Variants in GSE1 observed in about 807,000 individuals in gnomAD.
GSE1 encodes genetic suppressor element 1.
GSE1 carries 32 observed loss-of-function variants against 112.6 expected under a neutral mutation model. The observed-to-expected ratio is 0.28, with a 90% CI of 0.21 to 0.38. The LOEUF is 0.38. GSE1 is among the 10% of genes least tolerant of loss of function. The pLI is 1.00. For missense variants in GSE1, 2,348 were observed against 1,699.2 expected, an observed-to-expected ratio of 1.38 and a Z score of -6.71; for synonymous variants, 1,115 against 735.6, an observed-to-expected ratio of 1.52 and a Z score of -8.35.
At chr16:85,246,693 G>T (rs1331352847) in intron 1 of GSE1, among the ~76,000 whole-genome samples, 3 of 152,026 alleles carry the variant, frequency 2.0e-5, no homozygotes, top group African/African-American at 7.2e-5. Context: ...ACCCTCGGAG[G>T]CCCCAGAACC....
intron 1 of GSE1, among the ~76,000 whole-genome samples, chr16:85,323,494 A>T (rs1302122258): frequency 1.3e-5 from 2 of 152,254 alleles, no homozygotes; most frequent in East Asian, 3.9e-4. Flanking sequence ...TCTGGGGGGA[A>T]AGTCGCCGGC....
chr16:85,467,746 G>A (rs1272352646), intron 2 of GSE1, among the ~76,000 whole-genome samples: 1 of 152,204 alleles, frequency 6.6e-6, no homozygotes, highest in Admixed American at 6.5e-5. Flanking sequence ...GGTTCAAGGG[G>A]AAGGTACGGA....
chr16:85,636,634 C>T (rs145471285), intron 2 of GSE1, among the ~76,000 whole-genome samples: 49 of 152,322 alleles, frequency 3.2e-4, no homozygotes, highest in Non-Finnish European at 5.4e-4. Flanking sequence ...AGTCGCAAGA[C>T]GGCAGCCACA....
At chr16:85,431,620 G>A (rs1202831551) in intron 2 of GSE1, among the ~76,000 whole-genome samples, 3 of 152,088 alleles carry the variant, frequency 2.0e-5, no homozygotes, top group Admixed American at 6.5e-5. Flanking sequence ...CGTGCTCCCC[G>A]AGACACTTGG....
intron 2 of GSE1, among the ~76,000 whole-genome samples, chr16:85,386,160 G>A (rs1166911803): frequency 6.6e-6 from 1 of 152,194 alleles, no homozygotes; most frequent in Non-Finnish European, 1.5e-5. Flanking sequence ...GGTGGTTCAG[G>A]TGGAACCCTC....
rs139100259 is a variant in GSE1, at chr16:85,472,406, C to T, written c.2464+114763C>T. Among the ~76,000 whole-genome samples, 279 of 152,292 alleles carry T rather than the reference C, an allele frequency of 1.8e-3. 2 individuals are homozygous for T. The highest frequency in any genetic ancestry group is 6.5e-3 in the African/African-American group (268 of 41,548). ...GCCACACTGCCGTGGTCCCTGCCTT[C>T]TCCTCCCGCGGCCTTCTTTCTGAGT... On this transcript the variant is annotated intron_variant, in intron 2 of 2. Coordinates refer to the GSE1 transcript ENST00000637419.
At chr16:85,223,843 G>A (rs1042497344) in intron 1 of GSE1, among the ~76,000 whole-genome samples, 6 of 152,000 alleles carry the variant, frequency 3.9e-5, no homozygotes, top group African/African-American at 1.2e-4. Context: ...GATCTCAAGC[G>A]ATCCACCCAT....
At chr16:85,483,642 G>A (rs2050750259) in intron 2 of GSE1, among the ~76,000 whole-genome samples, 1 of 152,290 alleles carries the variant, frequency 6.6e-6, no homozygotes, top group Non-Finnish European at 1.5e-5. Context: ...GCGGCGGGCT[G>A]AGACGGATGG....
intron 3 of GSE1, among the ~76,000 whole-genome samples, chr16:85,649,749 G>A (rs900792482): frequency 1.3e-5 from 2 of 152,198 alleles, no homozygotes; most frequent in African/African-American, 4.8e-5. Context: ...AGCCCCACTT[G>A]GAAATACTAA....
intron 1 of GSE1, among the ~76,000 whole-genome samples, chr16:85,566,154 G>A (rs950224263): frequency 6.6e-6 from 1 of 152,182 alleles, no homozygotes; most frequent in Admixed American, 6.5e-5. Flanking sequence ...TTACCATTTG[G>A]GTTGATAGCT....
At chr16:85,561,432 T>C (rs2045517522) in intron 1 of GSE1, among the ~76,000 whole-genome samples, 1 of 151,904 alleles carries the variant, frequency 6.6e-6, no homozygotes, top group South Asian at 2.1e-4. Flanking sequence ...GCCCCTTATC[T>C]GGTTCCTGTC....
At chr16:85,427,065 C>T (rs2049010793) in intron 2 of GSE1, among the ~76,000 whole-genome samples, 1 of 152,134 alleles carries the variant, frequency 6.6e-6, no homozygotes, top group Non-Finnish European at 1.5e-5. Context: ...CCAGACCTCA[C>T]ATTGGGAACA....
intron 2 of GSE1, among the ~76,000 whole-genome samples, chr16:85,501,717 G>A (rs1422155970): frequency 6.6e-6 from 1 of 152,168 alleles, no homozygotes; most frequent in African/African-American, 2.4e-5. Context: ...ATCTTTTGGA[G>A]GTACCAGTTC....
chr16:85,565,415 A>AC (rs2045703290), intron 1 of GSE1, among the ~76,000 whole-genome samples: 1 of 150,656 alleles, frequency 6.6e-6, no homozygotes, highest in African/African-American at 2.5e-5. Context: ...ACAAAAAAAA[A>AC]CAAAAAAACC....
chr16:85,399,618 A>G (rs1318398231), intron 2 of GSE1, among the ~76,000 whole-genome samples: 1 of 152,188 alleles, frequency 6.6e-6, no homozygotes, highest in Non-Finnish European at 1.5e-5. Context: ...AAGTGGGGAT[A>G]TAGCAGTACC....
chr16:85,222,700 G>A (rs1341876767), intron 1 of GSE1, among the ~76,000 whole-genome samples: 4 of 152,154 alleles, frequency 2.6e-5, no homozygotes, highest in South Asian at 2.1e-4. Flanking sequence ...AATTAAAAAC[G>A]TGTCTCCGTC....
intron 1 of GSE1, among the ~76,000 whole-genome samples, chr16:85,193,098 C>G (rs1193150813): frequency 6.6e-6 from 1 of 152,142 alleles, no homozygotes; most frequent in Non-Finnish European, 1.5e-5. Context: ...ACAGTGTACC[C>G]AGCCATCGGA....
chr16:85,435,960 C>T (rs564715775), intron 2 of GSE1, among the ~76,000 whole-genome samples: 252 of 152,262 alleles, frequency 1.7e-3, no homozygotes, highest in African/African-American at 5.9e-3. Flanking sequence ...CCCCAGAAGG[C>T]AGGTGGGGTC....
intron 2 of GSE1, among the ~76,000 whole-genome samples, chr16:85,474,282 G>A (rs935279259): frequency 2.6e-5 from 4 of 152,162 alleles, no homozygotes; most frequent in South Asian, 4.2e-4. Flanking sequence ...CCGCCGGCCC[G>A]TGCTCCAATG....
Sources: allele counts gnomAD v4.1 joint callset (sites outside exome capture counted in the v4.1 genomes callset), GRCh38; gene constraint gnomAD v4.1.1; transcripts MANE v1.5; gene names NCBI Gene and HGNC (gene_info 2026-07-23, HGNC 2026-07-21).